Variants in ERC1 observed in about 807,000 individuals in gnomAD.
ERC1 encodes the protein RAB6 interacting protein 2.
Under a neutral mutation model 132.0 loss-of-function variants are expected in ERC1, and 56 were observed. That is an observed-to-expected ratio of 0.42 (90% CI 0.34 to 0.53). The LOEUF is 0.53. ERC1 is among the 20% of genes least tolerant of loss of function. ERC1 has a pLI of 0.03. For synonymous variants in ERC1, 478 were observed against 476.1 expected, an observed-to-expected ratio of 1.00 and a Z score of -0.05; for missense variants, 1,202 against 1,349.9, an observed-to-expected ratio of 0.89 and a Z score of 1.72.
intron 15 of ERC1, among the ~76,000 whole-genome samples, chr12:1,339,875 C>A (rs1317652618): frequency 6.6e-6 from 1 of 152,144 alleles, no homozygotes; most frequent in Non-Finnish European, 1.5e-5. Flanking sequence ...TCTGTGCTCA[C>A]CAAGGCTCCA....
Position 1,282,538 on chromosome 12 carries a change from C to T in ERC1, c.2620-7314C>T, listed in dbSNP as rs80143377. Among the ~76,000 whole-genome samples the T allele has an allele frequency of 6.5e-3, 986 of 152,064 alleles. 11 individuals carry two copies. Among genetic ancestry groups the T allele is most frequent in the African/African-American group, 0.022 (926 of 41,480 alleles). ...AATTACCATGAGTTGGCAAAAAGAA[C>T]GTATTGGAAAAAAGAGATTTCTAGT... On this transcript the variant is annotated intron_variant, in intron 14 of 18. Coordinates refer to ENST00000360905, the MANE Select transcript of ERC1 (RefSeq NM_178040.4).
intron 15 of ERC1, among the ~76,000 whole-genome samples, chr12:1,332,738 G>A (rs2082961812): frequency 6.6e-6 from 1 of 152,118 alleles, no homozygotes; most frequent in African/African-American, 2.4e-5. Flanking sequence ...CATTTCAGTA[G>A]TTTATTTAGT....
intron 17 of ERC1, among the ~76,000 whole-genome samples, chr12:1,411,717 G>A (rs2091863362): frequency 6.6e-6 from 1 of 152,160 alleles, no homozygotes; most frequent in Admixed American, 6.5e-5. Flanking sequence ...TCTTAGAAAT[G>A]AGCATGCCCC....
chr12:1,328,668 T>A (rs370399369), intron 15 of ERC1, among the ~76,000 whole-genome samples: 2 of 150,694 alleles, frequency 1.3e-5, no homozygotes, highest in African/African-American at 5.0e-5. Flanking sequence ...CCCTCCCCTT[T>A]TCTCCCTCAG....
intron 7 of ERC1, among the ~76,000 whole-genome samples, chr12:1,139,669 A>C (rs1949685095): frequency 6.6e-6 from 1 of 151,990 alleles, no homozygotes; most frequent in African/African-American, 2.4e-5. Context: ...AAAACTGTTT[A>C]ATTCAGAAAT....
intron 14 of ERC1, among the ~76,000 whole-genome samples, chr12:1,289,100 C>T (rs866424944): frequency 0.025 from 3,630 of 142,454 alleles, 204 homozygotes; most frequent in African/African-American, 0.094. Flanking sequence ...CACACACACA[C>T]ACACACACAC....
intron 12 of ERC1, among the ~76,000 whole-genome samples, chr12:1,234,882 C>T (rs189682011): frequency 7.2e-5 from 11 of 152,154 alleles, no homozygotes; most frequent in African/African-American, 2.7e-4. Context: ...ATACCAAACC[C>T]CCCAAAATGG....
intron 18 of ERC1, among the ~76,000 whole-genome samples, chr12:1,459,103 A>G (rs1015462733): frequency 4.6e-5 from 7 of 152,366 alleles, no homozygotes; most frequent in Admixed American, 3.9e-4. Context: ...GTAACAGATT[A>G]TAACAACTAA....
chr12:1,262,162 G>A (rs1022886504), intron 13 of ERC1, among the ~76,000 whole-genome samples: 1 of 152,174 alleles, frequency 6.6e-6, no homozygotes, highest in African/African-American at 2.4e-5. Flanking sequence ...TTAAAAGGAA[G>A]CACTTTATTC....
chr12:1,116,654 C>T (rs1444947684), intron 7 of ERC1, among the ~76,000 whole-genome samples: 1 of 151,118 alleles, frequency 6.6e-6, no homozygotes, highest in Non-Finnish European at 1.5e-5. Flanking sequence ...GTGATCTTGG[C>T]TCACCACTAC....
At chr12:1,405,404 C>T (rs1430266934) in intron 16 of ERC1, among the ~76,000 whole-genome samples, 2 of 151,536 alleles carry the variant, frequency 1.3e-5, no homozygotes, top group Non-Finnish European at 2.9e-5. Flanking sequence ...ATGGGACTCA[C>T]TAAATATCCA....
intron 12 of ERC1, among the ~76,000 whole-genome samples, chr12:1,203,160 C>A (rs371344285): frequency 4.6e-5 from 7 of 152,296 alleles, no homozygotes; most frequent in African/African-American, 1.7e-4. Flanking sequence ...CTGGTTCAAC[C>A]GATTCTTGTG....
chr12:1,234,485 GT>G lies in ERC1; in HGVS notation c.2352-2279del, dbSNP rs2075281262. 2.0e-5 allele frequency among the ~76,000 whole-genome samples: 3 copies of G among 152,346 alleles called. No homozygotes were observed. The East Asian group carries it at 5.8e-4, about 29-fold the overall frequency. On this transcript the variant is annotated intron_variant, in intron 12 of 18. Transcript: ENST00000360905. ...GAATTGAAAGATCCAAAAGCATGAAGTTTTTCCCAAACTGACATTGCTTCAA... is the reference window on the plus strand; with the variant it reads ...GAATTGAAAGATCCAAAAGCATGAAGTTTTCCCAAACTGACATTGCTTCAA...
intron 15 of ERC1, among the ~76,000 whole-genome samples, chr12:1,305,595 G>A (rs1248735137): frequency 1.3e-5 from 2 of 152,086 alleles, no homozygotes; most frequent in Non-Finnish European, 2.9e-5. Context: ...TTTGGCTAAA[G>A]CTCAATACCT....
intron 1 of ERC1, among the ~76,000 whole-genome samples, chr12:1,016,012 A>G (rs1040200631): frequency 6.7e-6 from 1 of 148,368 alleles, no homozygotes; most frequent in Non-Finnish European, 1.5e-5. Flanking sequence ...TTGGACTAGT[A>G]ATTTTGAGAT....
At chr12:1,196,392 A>G (rs923332065) in intron 12 of ERC1, among the ~76,000 whole-genome samples, 2 of 152,074 alleles carry the variant, frequency 1.3e-5, no homozygotes, top group African/African-American at 4.8e-5. Context: ...ATACCCAAAA[A>G]TTTTAATGCA....
intron 7 of ERC1, among the ~76,000 whole-genome samples, chr12:1,137,062 T>C (rs926232850): frequency 2.6e-5 from 4 of 151,624 alleles, no homozygotes; most frequent in African/African-American, 9.7e-5. Flanking sequence ...TACTCACCAG[T>C]TCTTTTTTCT....
At chr12:1,422,306 CA>C (rs1318250194) in intron 17 of ERC1, among the ~76,000 whole-genome samples, 1 of 152,306 alleles carries the variant, frequency 6.6e-6, no homozygotes, top group East Asian at 1.9e-4. Context: ...ATAATTCTTG[CA>C]AAAGCAATTT....
intron 12 of ERC1, among the ~76,000 whole-genome samples, chr12:1,212,025 T>C (rs1957928468): frequency 6.6e-6 from 1 of 152,198 alleles, no homozygotes; most frequent in Non-Finnish European, 1.5e-5. Context: ...CTTTCCTACA[T>C]TACTGCAAAA....
Sources: allele counts gnomAD v4.1 joint callset (sites outside exome capture counted in the v4.1 genomes callset), GRCh38; gene constraint gnomAD v4.1.1; transcripts MANE v1.5; gene names NCBI Gene and HGNC (gene_info 2026-07-23, HGNC 2026-07-21).